Variants in ASTN2 observed in about 807,000 individuals in gnomAD.
The protein encoded by ASTN2 is astrotactin 2, also known as astrotactin-2.
In ASTN2, 54 loss-of-function variants were observed where a neutral mutation model predicts 139.8. That is an observed-to-expected ratio of 0.39 (90% CI 0.31 to 0.48). The LOEUF is 0.48. ASTN2 is among the 20% of genes least tolerant of loss of function. The pLI is 0.95. For missense variants in ASTN2, 1,565 were observed against 1,725.1 expected (o/e 0.91, Z 1.64); for synonymous variants, 756 against 719.5 (o/e 1.05, Z -0.81).
At chr9:117,087,983 C>T (rs1828611690) in intron 5 of ASTN2, among the ~76,000 whole-genome samples, 1 of 152,200 alleles carries the variant, frequency 6.6e-6, no homozygotes, top group African/African-American at 2.4e-5. Flanking sequence ...CCTAGCTTCA[C>T]CTGTTGTTAA....
chr9:116,719,113 T>G (rs1056362323), intron 16 of ASTN2, among the ~76,000 whole-genome samples: 42 of 151,438 alleles, frequency 2.8e-4, no homozygotes, highest in Non-Finnish European at 2.1e-4. Flanking sequence ...GCAGGGTAGA[T>G]GCAGGCTGAC....
At chr9:117,182,864 C>T (rs1375993538) in intron 3 of ASTN2, among the ~76,000 whole-genome samples, 1 of 152,040 alleles carries the variant, frequency 6.6e-6, no homozygotes, top group African/African-American at 2.4e-5. Context: ...ATTAAGCAAG[C>T]CAAGTTTTTA....
At chr9:116,475,499 C>A (rs1848950020) in intron 20 of ASTN2, among the ~76,000 whole-genome samples, 1 of 152,150 alleles carries the variant, frequency 6.6e-6, no homozygotes. Context: ...AATCAATCTG[C>A]CTTATAGCCT....
chr9:116,514,370 TCA>T (rs1227239838), intron 19 of ASTN2, among the ~76,000 whole-genome samples: 4 of 151,518 alleles, frequency 2.6e-5, no homozygotes, highest in African/African-American at 7.3e-5. Context: ...AATTTTCGTC[TCA>T]GAGAGTTACC....
chr9:116,513,236 A>AT (rs1482500352), intron 19 of ASTN2, among the ~76,000 whole-genome samples: 7 of 152,124 alleles, frequency 4.6e-5, no homozygotes, highest in Non-Finnish European at 8.8e-5. Context: ...TCTATAAAGG[A>AT]TTTTATTTCT....
chr9:117,059,740 A>G (rs1839182910), intron 5 of ASTN2, among the ~76,000 whole-genome samples: 1 of 152,188 alleles, frequency 6.6e-6, no homozygotes, highest in Non-Finnish European at 1.5e-5. Flanking sequence ...AGTATTTCCC[A>G]TTCTTCACTC....
At chr9:117,238,760 G>A (rs1034555603) in intron 2 of ASTN2, among the ~76,000 whole-genome samples, 4 of 152,156 alleles carry the variant, frequency 2.6e-5, no homozygotes, top group African/African-American at 9.7e-5. Flanking sequence ...TTGGTGCCTA[G>A]CTCCAGTGAC....
intron 1 of ASTN2, among the ~76,000 whole-genome samples, chr9:117,301,492 G>A (rs565176918): frequency 2.6e-5 from 4 of 152,288 alleles, no homozygotes; most frequent in African/African-American, 9.6e-5. Flanking sequence ...CGAGTTTTCA[G>A]CTGAGATGTC....
chr9:116,988,699 A>C (rs1836753202), intron 7 of ASTN2, among the ~76,000 whole-genome samples: 1 of 152,084 alleles, frequency 6.6e-6, no homozygotes, highest in Non-Finnish European at 1.5e-5. Context: ...GTACCATATA[A>C]AATGAATGAA....
chr9:117,172,512 T>G (rs954957654), intron 3 of ASTN2, among the ~76,000 whole-genome samples: 3 of 152,118 alleles, frequency 2.0e-5, no homozygotes, highest in African/African-American at 7.2e-5. Flanking sequence ...AAATTAGCTA[T>G]GACTATTAAT....
intron 4 of ASTN2, among the ~76,000 whole-genome samples, chr9:117,115,914 A>C (rs1038867415): frequency 6.6e-6 from 1 of 151,768 alleles, no homozygotes; most frequent in Admixed American, 6.6e-5. Context: ...AGTCCCAGCT[A>C]CTCGGCAGGC....
intron 16 of ASTN2, among the ~76,000 whole-genome samples, chr9:116,667,599 G>A (rs1162064746): frequency 2.6e-5 from 4 of 152,076 alleles, no homozygotes; most frequent in Non-Finnish European, 4.4e-5. Context: ...ATAAAACATT[G>A]AGAAAAGACG....
intron 19 of ASTN2, among the ~76,000 whole-genome samples, chr9:116,501,414 C>T (rs889164660): frequency 3.3e-5 from 5 of 151,998 alleles, no homozygotes; most frequent in Admixed American, 6.6e-5. Context: ...TGAATAGTGC[C>T]GCAATAAACA....
intron 12 of ASTN2, among the ~76,000 whole-genome samples, chr9:116,815,880 C>A (rs1434356097): frequency 2.7e-5 from 4 of 146,414 alleles, no homozygotes; most frequent in African/African-American, 1.0e-4. Context: ...AGAAATAACT[C>A]TCTTAGCAAA....
At chr9:117,296,843 C>T (rs10818019) in intron 1 of ASTN2, among the ~76,000 whole-genome samples, 55,781 of 151,972 alleles carry the variant, frequency 0.37, 11,642 homozygotes, top group East Asian at 0.56. Flanking sequence ...CCATGGGCTG[C>T]AACTCGTGAA....
chr9:117,214,039 T>G (rs558589235), intron 3 of ASTN2, among the ~76,000 whole-genome samples: 7 of 152,264 alleles, frequency 4.6e-5, no homozygotes, highest in African/African-American at 1.7e-4. Context: ...TGTGTGGAAA[T>G]GAGATGGCCT....
intron 3 of ASTN2, among the ~76,000 whole-genome samples, chr9:117,213,236 A>G (rs1832199413): frequency 6.6e-6 from 1 of 152,176 alleles, no homozygotes; most frequent in African/African-American, 2.4e-5. Flanking sequence ...AAAATAATTG[A>G]CCTCATAGAA....
chr9:117,414,543 C>T lies in ASTN2; in HGVS notation c.396G>A (p.Ala132=). 1 of 1,605,812 alleles carries T rather than the reference C, an allele frequency of 6.2e-7. No individual in the cohort carries two copies. Among genetic ancestry groups the T allele is most frequent in the Non-Finnish European group, 8.5e-7 (1 of 1,176,828 alleles). The change falls in exon 1 of 23, where the codon GCG becomes GCA. Residue 132 remains alanine (A), a synonymous_variant. Coordinates refer to ENST00000313400, the MANE Select transcript of ASTN2 (RefSeq NM_001365068.1). The surrounding 1 kb of genome is among the most constrained non-coding windows in gnomAD (Gnocchi z 4.2). ...CGGTGTTGTCCAGGTCGTCCTGCAC[C>T]GCGATGCGCCCCGGCAGCTCGTTAC... ...FVRNELPGRI[A]VQDDLDNTEL...
Position 117,218,888 on chromosome 9 carries a change from G to T in ASTN2, c.631-4146C>A, listed in dbSNP as rs79355611. ...ACAATTTTATTATCTATAAAATCAG[G>T]TCATAGACTTCTTTATCAAGGGAAG... On this transcript the variant is annotated intron_variant, in intron 2 of 22. Coordinates refer to ENST00000313400, the MANE Select transcript of ASTN2 (RefSeq NM_001365068.1). Among the ~76,000 whole-genome samples the T allele has an allele frequency of 8.9e-3, 1,348 of 152,238 alleles. 25 individuals are homozygous for T. Among genetic ancestry groups the T allele is most frequent in the African/African-American group, 0.031 (1,286 of 41,542 alleles).
Sources: allele counts gnomAD v4.1 joint callset (sites outside exome capture counted in the v4.1 genomes callset), GRCh38; gene constraint gnomAD v4.1.1; non-coding constraint Gnocchi (gnomAD v3.1); transcripts MANE v1.5; gene names NCBI Gene and HGNC (gene_info 2026-07-23, HGNC 2026-07-21).